Variants in PDE4B observed in about 807,000 individuals in gnomAD.
PDE4B encodes the protein 3',5'-cyclic-AMP phosphodiesterase 4B.
A neutral mutation model predicts 82.2 loss-of-function variants in PDE4B; 20 were observed. The observed-to-expected ratio is 0.24, with a 90% confidence interval of 0.17 to 0.35. The LOEUF (loss-of-function observed/expected upper bound fraction) is 0.35. Among genes scored for constraint, PDE4B ranks in the 10% least tolerant of loss-of-function variants. PDE4B has a pLI of 1.00. For missense variants in PDE4B, 655 were observed against 907.2 expected (o/e 0.72, Z 3.57); for synonymous variants, 320 against 318.9 (o/e 1.00, Z -0.04).
intron 1 of PDE4B, among the ~76,000 whole-genome samples, chr1:65,816,229 G>A (rs1645883013): frequency 2.8e-5 from 1 of 35,804 alleles, no homozygotes; most frequent in African/African-American, 6.4e-5. Flanking sequence ...GTGTGTGTAT[G>A]AGAGAGAGAG....
chr1:66,026,852 T>C (rs1449512296), intron 3 of PDE4B, among the ~76,000 whole-genome samples: 1 of 152,250 alleles, frequency 6.6e-6, no homozygotes, highest in Non-Finnish European at 1.5e-5. Flanking sequence ...CAACCAATTA[T>C]GGCGTCCTGA....
intron 1 of PDE4B, among the ~76,000 whole-genome samples, chr1:65,829,473 T>A (rs1296319451): frequency 1.3e-5 from 2 of 152,166 alleles, no homozygotes; most frequent in African/African-American, 2.4e-5. Flanking sequence ...TATAGAGCAC[T>A]CCAATCAACA....
intron 1 of PDE4B, among the ~76,000 whole-genome samples, chr1:65,878,004 T>C (rs1446270321): frequency 6.6e-6 from 1 of 150,548 alleles, no homozygotes; most frequent in Non-Finnish European, 1.5e-5. Flanking sequence ...AGGTCCAATA[T>C]CCAGAATCTA....
chr1:66,199,486 T>A (rs549399752), intron 3 of PDE4B, among the ~76,000 whole-genome samples: 19 of 152,310 alleles, frequency 1.2e-4, no homozygotes, highest in African/African-American at 4.1e-4. Flanking sequence ...CTTGTAAATT[T>A]GTTTGAGTTC....
chr1:66,249,588 A>G (rs1653591811), intron 4 of PDE4B, among the ~76,000 whole-genome samples: 1 of 152,104 alleles, frequency 6.6e-6, no homozygotes, highest in South Asian at 2.1e-4. Flanking sequence ...GTGTAGTTCT[A>G]AATGACACCG....
chr1:65,855,633 G>C (rs1646383687), intron 1 of PDE4B, among the ~76,000 whole-genome samples: 1 of 152,064 alleles, frequency 6.6e-6, no homozygotes, highest in African/African-American at 2.4e-5. Flanking sequence ...ACCCCGCATA[G>C]GTATGTCTTA....
intron 3 of PDE4B, among the ~76,000 whole-genome samples, chr1:66,040,747 A>C (rs760149761): frequency 2.6e-5 from 4 of 151,938 alleles, no homozygotes; most frequent in Admixed American, 1.3e-4. Flanking sequence ...GATCAAGGAG[A>C]GTAAAGGTTA....
intron 3 of PDE4B, among the ~76,000 whole-genome samples, chr1:65,924,501 T>C (rs1647397496): frequency 6.6e-6 from 1 of 152,232 alleles, no homozygotes; most frequent in South Asian, 2.1e-4. Context: ...GATAATGTTA[T>C]GTGGTTTTCT....
chr1:66,348,379 C>A (rs1661566932), intron 8 of PDE4B, among the ~76,000 whole-genome samples: 1 of 152,128 alleles, frequency 6.6e-6, no homozygotes, highest in South Asian at 2.1e-4. Context: ...ATCAGATCAT[C>A]ATCTCAAATC....
intron 3 of PDE4B, among the ~76,000 whole-genome samples, chr1:66,053,801 G>C (rs903424977): frequency 6.6e-6 from 1 of 152,176 alleles, no homozygotes; most frequent in Non-Finnish European, 1.5e-5. Flanking sequence ...AGAAGTAACA[G>C]TGAGCTGAGA....
chr1:65,849,633 C>T (rs1342994340), intron 1 of PDE4B, among the ~76,000 whole-genome samples: 1 of 152,088 alleles, frequency 6.6e-6, no homozygotes. Context: ...CACTGCAAAA[C>T]TACCTGAGGG....
chr1:66,138,872 A>G (rs571329680), intron 3 of PDE4B, among the ~76,000 whole-genome samples: 4 of 152,320 alleles, frequency 2.6e-5, no homozygotes, highest in African/African-American at 9.6e-5. Context: ...CCACTGGGAT[A>G]GGTTCTACTA....
rs527555809 is a variant in PDE4B, at chr1:66,049,263, G to A, written c.281+130428G>A. Among the ~76,000 whole-genome samples, 8 of 152,074 alleles carry A rather than the reference G, an allele frequency of 5.3e-5. No homozygotes were observed. In the South Asian group the frequency reaches 1.7e-3, roughly 32 times the overall value. ...ATAGCATCATCTAAAATTCATTTCA[G>A]ATATTGTGAATGGAAAAGCTACAAT... On this transcript the variant is annotated intron_variant, in intron 3 of 16. Transcript: ENST00000341517.
rs138540532 is a variant in PDE4B, at chr1:66,317,700, C to T, written c.635-14808C>T. ...TCACTTGAGCCCAGGAGTTCGAGAC[C>T]GGCCTGAGCAACACAGCAAGACCCT... On this transcript the variant is annotated intron_variant, in intron 7 of 16. Transcript: ENST00000341517. 2.8e-3 allele frequency among the ~76,000 whole-genome samples: 426 copies of T among 152,102 alleles called. 6 individuals are homozygous for T. Among genetic ancestry groups the T allele is most frequent in the Non-Finnish European group, 4.8e-3 (326 of 68,002 alleles).
At chr1:65,813,596 A>C (rs1645844497) in intron 1 of PDE4B, among the ~76,000 whole-genome samples, 1 of 152,162 alleles carries the variant, frequency 6.6e-6, no homozygotes, top group Admixed American at 6.5e-5. Context: ...TAGTATGAAA[A>C]ATGTGTGCCA....
At chr1:65,815,977 A>G (rs1021886926) in intron 1 of PDE4B, among the ~76,000 whole-genome samples, 4 of 152,080 alleles carry the variant, frequency 2.6e-5, no homozygotes, top group Non-Finnish European at 4.4e-5. Context: ...AATTGGTGAG[A>G]AAAAAATAAC....
intron 7 of PDE4B, among the ~76,000 whole-genome samples, chr1:66,274,465 G>A (rs116611340): frequency 0.023 from 3,496 of 151,948 alleles, 118 homozygotes; most frequent in African/African-American, 0.076. Context: ...GAGCCACTGC[G>A]CCCAGCTGAA....
chr1:66,148,547 T>C (rs1038058197), intron 3 of PDE4B, among the ~76,000 whole-genome samples: 1 of 152,200 alleles, frequency 6.6e-6, no homozygotes, highest in Non-Finnish European at 1.5e-5. Context: ...AATTTAATTA[T>C]TTTTAGTATA....
At chr1:66,164,075 C>A (rs923691377) in intron 3 of PDE4B, among the ~76,000 whole-genome samples, 2 of 152,138 alleles carry the variant, frequency 1.3e-5, no homozygotes, top group African/African-American at 4.8e-5. Flanking sequence ...TGTTACCCAG[C>A]CCTCTCAGCT....
Sources: gnomAD v4.1 joint callset for allele counts (sites outside exome capture counted in the v4.1 genomes callset) on GRCh38, gnomAD v4.1.1 for gene constraint, MANE v1.5 for transcripts, NCBI Gene and HGNC (gene_info 2026-07-23, HGNC 2026-07-21) for gene names.